Variants in CCSER1 observed in about 807,000 individuals in gnomAD.
CCSER1 encodes coiled-coil serine rich protein 1, also known as serine-rich coiled-coil domain-containing protein 1.
A neutral mutation model predicts 82.0 loss-of-function variants in CCSER1; 41 were observed. That is an observed-to-expected ratio of 0.50 (90% CI 0.39 to 0.65). The LOEUF (loss-of-function observed/expected upper bound fraction) is 0.65, where lower values mean the gene tolerates loss of function less well. Among genes scored for constraint, CCSER1 ranks in the 30% least tolerant of loss-of-function variants. CCSER1 has a pLI of 0.00. For synonymous variants in CCSER1, 414 were observed against 383.9 expected (o/e 1.08, Z -0.92); for missense variants, 1,119 against 1,064.2 (o/e 1.05, Z -0.72).
At chr4:91,216,753 A>G (rs1200459317) in intron 10 of CCSER1, among the ~76,000 whole-genome samples, 2 of 152,190 alleles carry the variant, frequency 1.3e-5, no homozygotes, top group Non-Finnish European at 2.9e-5. Flanking sequence ...CTTCGTAACT[A>G]AATCTTTACA....
intron 10 of CCSER1, among the ~76,000 whole-genome samples, chr4:91,404,398 A>C (rs1343935173): frequency 6.6e-6 from 1 of 151,750 alleles, no homozygotes; most frequent in Non-Finnish European, 1.5e-5. Context: ...TGTCTCCTCC[A>C]GTTCTGCTCT....
At chr4:90,281,606 A>G (rs1332918140) in intron 1 of CCSER1, among the ~76,000 whole-genome samples, 2 of 152,032 alleles carry the variant, frequency 1.3e-5, no homozygotes, top group African/African-American at 4.8e-5. Context: ...ATTGCTTAAT[A>G]AGAAAATAAA....
At chr4:91,579,298 T>C (rs144538888) in intron 10 of CCSER1, among the ~76,000 whole-genome samples, 134 of 151,776 alleles carry the variant, frequency 8.8e-4, no homozygotes, top group Non-Finnish European at 1.7e-3. Context: ...AATTCCATAA[T>C]GGTGGGGATA....
chr4:90,856,349 G>A (rs1328140334), intron 8 of CCSER1, among the ~76,000 whole-genome samples: 2 of 152,088 alleles, frequency 1.3e-5, no homozygotes, highest in African/African-American at 4.8e-5. Context: ...TATATAGAAA[G>A]TAACATTCGA....
At chr4:90,515,493 G>T (rs1294345756) in intron 5 of CCSER1, among the ~76,000 whole-genome samples, 3 of 152,128 alleles carry the variant, frequency 2.0e-5, no homozygotes, top group East Asian at 3.8e-4. Context: ...TAGTGATATT[G>T]AAATTATTTT....
At chr4:90,762,818 C>T (rs1196793744) in intron 7 of CCSER1, among the ~76,000 whole-genome samples, 2 of 152,080 alleles carry the variant, frequency 1.3e-5, no homozygotes, top group African/African-American at 4.8e-5. Context: ...GGATTCTTTG[C>T]AGATGTGACC....
At chr4:90,593,368 T>C (rs952298534) in intron 5 of CCSER1, among the ~76,000 whole-genome samples, 2 of 152,168 alleles carry the variant, frequency 1.3e-5, no homozygotes, top group South Asian at 2.1e-4. Context: ...ACGGAAAGAA[T>C]GAAGCAACAA....
intron 9 of CCSER1, among the ~76,000 whole-genome samples, chr4:90,930,907 A>ATT (rs1191773594): frequency 5.7e-4 from 42 of 73,908 alleles, no homozygotes; most frequent in Admixed American, 1.2e-3. Flanking sequence ...ATTTATCCTT[A>ATT]TTTTATATAT....
chr4:90,713,374 AATG>A (rs549756933), intron 6 of CCSER1, among the ~76,000 whole-genome samples: 17 of 152,122 alleles, frequency 1.1e-4, no homozygotes, highest in African/African-American at 3.9e-4. Context: ...TTTGTTTGAA[AATG>A]ATCTTATTTC....
chr4:91,146,663 A>C (rs1054360135), intron 10 of CCSER1, among the ~76,000 whole-genome samples: 2 of 148,032 alleles, frequency 1.4e-5, no homozygotes, highest in African/African-American at 5.0e-5. Flanking sequence ...ATTGTGGTGT[A>C]TGTTGTTTAT....
chr4:90,826,770 G>C (rs1760520029), intron 8 of CCSER1, among the ~76,000 whole-genome samples: 2 of 152,094 alleles, frequency 1.3e-5, no homozygotes, highest in Non-Finnish European at 2.9e-5. Context: ...AAACATATTA[G>C]TGGTATAAAA....
intron 5 of CCSER1, among the ~76,000 whole-genome samples, chr4:90,556,439 C>G (rs1560713557): frequency 6.6e-6 from 1 of 151,942 alleles, no homozygotes; most frequent in Admixed American, 6.6e-5. Flanking sequence ...ACAGTTGACC[C>G]TTGGACAGTG....
At chr4:90,385,006 T>TA (rs1749792675) in intron 3 of CCSER1, among the ~76,000 whole-genome samples, 2 of 152,206 alleles carry the variant, frequency 1.3e-5, no homozygotes, top group Admixed American at 1.3e-4. Flanking sequence ...GTTCCTGAGT[T>TA]ACTTCACAAG....
intron 8 of CCSER1, among the ~76,000 whole-genome samples, chr4:90,912,913 T>A (rs1726647094): frequency 6.6e-6 from 1 of 151,728 alleles, no homozygotes; most frequent in Non-Finnish European, 1.5e-5. Flanking sequence ...ATGAACGAAA[T>A]GAAGTGAGAA....
intron 3 of CCSER1, 78 bp downstream of exon 3, chr4:90,313,125 A>G: frequency 8.7e-7 from 1 of 1,153,926 alleles, no homozygotes; most frequent in Non-Finnish European, 1.3e-6. Flanking sequence ...TGCAAAATGA[A>G]CACAGACTAC....
At chr4:90,880,521 A>C (rs1470864948) in intron 8 of CCSER1, among the ~76,000 whole-genome samples, 1 of 152,072 alleles carries the variant, frequency 6.6e-6, no homozygotes, top group Non-Finnish European at 1.5e-5. Context: ...GGTCTTTGCT[A>C]CTTCATTACT....
chr4:90,311,436 C>G (rs1051106398), intron 2 of CCSER1, among the ~76,000 whole-genome samples: 3 of 152,020 alleles, frequency 2.0e-5, no homozygotes, highest in Non-Finnish European at 2.9e-5. Flanking sequence ...AATGTGTTGG[C>G]TGTTCTTGGA....
chr4:90,189,127 A>C (rs529809449), intron 1 of CCSER1, among the ~76,000 whole-genome samples: 1 of 152,074 alleles, frequency 6.6e-6, no homozygotes, highest in South Asian at 2.1e-4. Context: ...AAACTCTTTG[A>C]CTGCGTTTTC....
At chr4:90,613,771 C>T (rs1579478107) in intron 5 of CCSER1, among the ~76,000 whole-genome samples, 1 of 152,178 alleles carries the variant, frequency 6.6e-6, no homozygotes, top group Non-Finnish European at 1.5e-5. Context: ...GTGATTTCTT[C>T]CTGTGCAGGA....
Sources: gnomAD v4.1 joint callset for allele counts (sites outside exome capture counted in the v4.1 genomes callset) on GRCh38, gnomAD v4.1.1 for gene constraint, MANE v1.5 for transcripts, NCBI Gene and HGNC (gene_info 2026-07-23, HGNC 2026-07-21) for gene names.